Variants in TMC1 observed in about 807,000 individuals in gnomAD.
TMC1 encodes transmembrane channel-like protein 1.
Under a neutral mutation model 105.8 loss-of-function variants are expected in TMC1, and 84 were observed. The ratio of observed to expected loss-of-function variants is 0.79; its 90% CI spans 0.67 to 0.95. The LOEUF is 0.95. TMC1 is among the 40% of genes least tolerant of loss of function. The pLI is 0.00. For missense variants in TMC1, 817 were observed against 914.1 expected, an observed-to-expected ratio of 0.89 and a Z score of 1.37; for synonymous variants, 315 against 311.5, an observed-to-expected ratio of 1.01 and a Z score of -0.12.
intron 5 of TMC1, among the ~76,000 whole-genome samples, chr9:72,680,035 A>G (rs2132175821): frequency 6.6e-6 from 1 of 152,190 alleles, no homozygotes; most frequent in Non-Finnish European, 1.5e-5. Flanking sequence ...GCAAATCCAC[A>G]CATCTCAATC....
intron 4 of TMC1, among the ~76,000 whole-genome samples, chr9:72,641,099 AT>A (rs998018823): frequency 2.6e-5 from 4 of 151,550 alleles, no homozygotes; most frequent in African/African-American, 9.7e-5. Context: ...TTATTTATTT[AT>A]TTTTTCTTTT....
intron 23 of TMC1, among the ~76,000 whole-genome samples, chr9:72,835,289 T>C (rs1385701522): frequency 6.6e-6 from 1 of 152,230 alleles, no homozygotes; most frequent in African/African-American, 2.4e-5. Context: ...TTCACTCTGT[T>C]CATCCCACAG....
intron 18 of TMC1, among the ~76,000 whole-genome samples, chr9:72,814,650 G>T (rs1297119636): frequency 6.6e-6 from 1 of 152,054 alleles, no homozygotes; most frequent in Admixed American, 6.6e-5. Flanking sequence ...TGCCATACTT[G>T]CTCTTCTTTC....
intron 2 of TMC1, among the ~76,000 whole-genome samples, chr9:72,614,693 C>G (rs1436304812): frequency 1.3e-5 from 2 of 152,000 alleles, no homozygotes; most frequent in African/African-American, 4.8e-5. Context: ...TTTTTCTTCC[C>G]CCTTGGAGAC....
chr9:72,829,763 G>A (rs1829012420), intron 21 of TMC1, among the ~76,000 whole-genome samples: 1 of 152,114 alleles, frequency 6.6e-6, no homozygotes, highest in African/African-American at 2.4e-5. Context: ...CTTTTTTACT[G>A]CATTTCTTCT....
chr9:72,746,857 G>A (rs1047430097), intron 10 of TMC1, among the ~76,000 whole-genome samples: 49 of 152,228 alleles, frequency 3.2e-4, no homozygotes, highest in Admixed American at 1.4e-3. Context: ...TTACTGTCAC[G>A]TCAGCCTTAA....
chr9:72,772,695 A>G, intron 13 of TMC1, 140 bp downstream of exon 13: 1 of 1,136,050 alleles, frequency 8.8e-7, no homozygotes, highest in Non-Finnish European at 1.3e-6. Context: ...ATGTAGTTTT[A>G]ATACCAACAC....
chr9:72,658,001 C>T (rs1029168073), intron 5 of TMC1, among the ~76,000 whole-genome samples: 1 of 152,076 alleles, frequency 6.6e-6, no homozygotes, highest in African/African-American at 2.4e-5. Flanking sequence ...AGTCAGTTCC[C>T]ATCAATGCAG....
chr9:72,570,676 CTTTTTTTTTTTTT>C lies in TMC1; in HGVS notation c.-427-7208_-427-7196del, dbSNP rs529953890. On this transcript the variant is annotated intron_variant, in intron 1 of 23. Transcript: ENST00000297784. ...AGAAATCTACACTTTGCCAAATTTC[CTTTTTTTTTTTTT>C]TTTTTTTTTTTTTTTTTGAGACAGA... Among the ~76,000 whole-genome samples the C allele has an allele frequency of 4.9e-3, 371 of 75,656 alleles. 7 individuals are homozygous for C. In the Admixed American group the frequency reaches 0.054, roughly 11 times the overall value. The allele number at this position is 75,656 out of a possible 152,430, so 49.6% of individuals were successfully genotyped here. A position where few individuals can be genotyped will look rare whatever the true frequency, so the allele number is the denominator to read the frequency against.
intron 1 of TMC1, among the ~76,000 whole-genome samples, chr9:72,547,921 T>C (rs556217359): frequency 1.3e-5 from 2 of 152,374 alleles, no homozygotes; most frequent in Admixed American, 6.5e-5. Flanking sequence ...TGGTATCTGC[T>C]GAGGTTCCTC....
intron 18 of TMC1, among the ~76,000 whole-genome samples, chr9:72,806,179 C>T (rs1360892699): frequency 6.8e-6 from 1 of 146,036 alleles, no homozygotes; most frequent in Non-Finnish European, 1.5e-5. Flanking sequence ...GGGGGCTGAC[C>T]CCCCACCTCC....
rs1362518139 is a variant in TMC1, at chr9:72,789,249, G to T, written c.1156G>T (p.Ala386Ser). 1.2e-6 allele frequency: 2 copies of T among 1,613,912 alleles called. No homozygotes were observed. The highest frequency in any genetic ancestry group is 1.3e-5 in the African/African-American group (1 of 74,904). The change falls in exon 15 of 24, where the codon GCT becomes TCT. Residue 386 changes from alanine to serine, a missense_variant. Transcript: ENST00000297784. Reference protein sequence around the residue: ...LGGSGYLIFWAVKRSQEFAQQ... With the variant: ...LGGSGYLIFWSVKRSQEFAQQ... ...AGGGAGTGGATACCTCATCTTTTGGGCTGTGAAGCGATCCCAGGAATTTGC... is the reference window on the plus strand; with the variant it reads ...AGGGAGTGGATACCTCATCTTTTGGTCTGTGAAGCGATCCCAGGAATTTGC...
chr9:72,546,004 T>C (rs10121470), intron 1 of TMC1, among the ~76,000 whole-genome samples: 79,179 of 151,118 alleles, frequency 0.52, 21,668 homozygotes, highest in African/African-American at 0.69. Flanking sequence ...TGGTACAGAC[T>C]GGGTGCAGTG....
At chr9:72,542,904 C>G (rs1265456217) in intron 1 of TMC1, among the ~76,000 whole-genome samples, 1 of 152,094 alleles carries the variant, frequency 6.6e-6, no homozygotes, top group Non-Finnish European at 1.5e-5. Flanking sequence ...TGGTCTCGAA[C>G]TCCTGACCTC....
chr9:72,660,441 G>GA (rs766057299), intron 5 of TMC1, among the ~76,000 whole-genome samples: 11 of 151,936 alleles, frequency 7.2e-5, no homozygotes, highest in African/African-American at 2.7e-4. Context: ...ATCTGCATTT[G>GA]AAAAAAATAA....
At chr9:72,771,230 A>G (rs1439455531) in intron 12 of TMC1, among the ~76,000 whole-genome samples, 14 of 152,270 alleles carry the variant, frequency 9.2e-5, no homozygotes, top group Non-Finnish European at 7.4e-5. Flanking sequence ...ATTTTGTTCT[A>G]GTTCTTAAAG....
At chr9:72,733,615 AC>A (rs1373270182) in intron 8 of TMC1, among the ~76,000 whole-genome samples, 2 of 152,018 alleles carry the variant, frequency 1.3e-5, no homozygotes, top group Non-Finnish European at 2.9e-5. Flanking sequence ...GATTCCTAAA[AC>A]CAAGGATACT....
chr9:72,824,087 G>A (rs947526957), intron 20 of TMC1, among the ~76,000 whole-genome samples: 15 of 152,262 alleles, frequency 9.9e-5, no homozygotes, highest in East Asian at 1.9e-4. Context: ...GAGGAAGCAC[G>A]TGGGCAAGTG....
At chr9:72,620,211 TCAAAAGTA>T (rs1344490984) in intron 3 of TMC1, among the ~76,000 whole-genome samples, 1 of 151,566 alleles carries the variant, frequency 6.6e-6, no homozygotes, top group East Asian at 1.9e-4. Flanking sequence ...GAAAAAAATG[TCAAAAGTA>T]CAAAATGTGG....
Sources: gnomAD v4.1 joint callset for allele counts (sites outside exome capture counted in the v4.1 genomes callset) on GRCh38, gnomAD v4.1.1 for gene constraint, MANE v1.5 for transcripts, NCBI Gene and HGNC (gene_info 2026-07-23, HGNC 2026-07-21) for gene names.